ARHGAP19: variants seen among roughly 807,000 people sequenced by gnomAD.
ARHGAP19 encodes Rho GTPase activating protein 19, also known as rho GTPase-activating protein 19.
ARHGAP19 carries 48 observed loss-of-function variants against 60.9 expected under a neutral mutation model. The ratio of observed to expected loss-of-function variants is 0.79; its 90% CI spans 0.62 to 1.00. ARHGAP19 has a LOEUF of 1.00. Ranked by LOEUF, ARHGAP19 falls within the 50% of genes least tolerant of loss-of-function variation. The probability of loss-of-function intolerance (pLI) is 0.00; values close to 1 mark genes in which losing one functional copy is unlikely to be tolerated. For synonymous variants in ARHGAP19, 209 were observed against 215.5 expected (o/e 0.97, Z 0.27); for missense variants, 562 against 597.2 (o/e 0.94, Z 0.61).
intron 1 of ARHGAP19, among the ~76,000 whole-genome samples, chr10:97,278,295 T>A (rs551536796): frequency 6.6e-6 from 1 of 152,330 alleles, no homozygotes; most frequent in South Asian, 2.1e-4. Context: ...AACAGGAAAA[T>A]TTTAAATATT....
Position 97,223,494 on chromosome 10 carries a change from T to C in ARHGAP19, c.*2628A>G, listed in dbSNP as rs1253886998. The C allele has an allele frequency of 2.6e-5, 4 of 152,210 alleles. No individual in the cohort carries two copies. Among genetic ancestry groups the C allele is most frequent in the Admixed American group, 6.5e-5 (1 of 15,278 alleles). The allele number at this position is 152,210 out of a possible 1,614,324, so 9.4% of individuals were successfully genotyped here. A position where few individuals can be genotyped will look rare whatever the true frequency, so the allele number is the denominator to read the frequency against. On this transcript the variant is annotated 3_prime_UTR_variant, in exon 12 of 12. Coordinates refer to ENST00000358531, the MANE Select transcript of ARHGAP19 (RefSeq NM_032900.6). ...ACCAGGAAGGTGGCCTGCAGTTTAA[T>C]ATGTGTATCCCTCTGGCACAAACAC...
intron 1 of ARHGAP19, among the ~76,000 whole-genome samples, chr10:97,266,510 T>C (rs947473082): frequency 2.6e-5 from 4 of 152,212 alleles, no homozygotes; most frequent in African/African-American, 9.6e-5. Context: ...TGGGCTATAC[T>C]CCTGGCAAAG....
chr10:97,238,229 G>A (rs112834113), intron 8 of ARHGAP19, among the ~76,000 whole-genome samples: 3,396 of 152,004 alleles, frequency 0.022, 126 homozygotes, highest in African/African-American at 0.075. Context: ...TTTTAGAGAC[G>A]GGGTCTCGCT....
chr10:97,272,667 A>C (rs1442741723), intron 1 of ARHGAP19, among the ~76,000 whole-genome samples: 2 of 151,808 alleles, frequency 1.3e-5, no homozygotes, highest in African/African-American at 4.8e-5. Flanking sequence ...AAACCTTCAA[A>C]CTTTATTGGT....
At chr10:97,242,286 A>C in intron 8 of ARHGAP19, among the ~76,000 whole-genome samples, 1 of 149,320 alleles carries the variant, frequency 6.7e-6, no homozygotes, top group Non-Finnish European at 1.5e-5. Flanking sequence ...AAAAAGTGCA[A>C]AACGTTTTTT....
intron 7 of ARHGAP19, 123 bp from the exon 8 acceptor site, chr10:97,244,282 C>T (rs569690808): frequency 3.0e-6 from 2 of 670,428 alleles, no homozygotes; most frequent in South Asian, 2.5e-5. Flanking sequence ...TACTCAGGAA[C>T]AAGAAAAATC....
At chr10:97,240,235 A>ACAT (rs1842457899) in intron 8 of ARHGAP19, among the ~76,000 whole-genome samples, 1 of 149,700 alleles carries the variant, frequency 6.7e-6, no homozygotes, top group Non-Finnish European at 1.5e-5. Context: ...TGCCACTTCT[A>ACAT]GAAAATAATC....
At chr10:97,232,283 C>T (rs1439216366) in intron 9 of ARHGAP19, among the ~76,000 whole-genome samples, 1 of 151,154 alleles carries the variant, frequency 6.6e-6, no homozygotes, top group Admixed American at 6.6e-5. Context: ...CCTGCCTCAG[C>T]CTCCTGAGTA....
chr10:97,266,792 T>C (rs1323533249), intron 1 of ARHGAP19, among the ~76,000 whole-genome samples: 4 of 151,992 alleles, frequency 2.6e-5, no homozygotes, highest in Non-Finnish European at 4.4e-5. Flanking sequence ...AACCATCAGA[T>C]CTCATGAGAC....
chr10:97,244,571 C>T (rs1842536002), intron 7 of ARHGAP19, among the ~76,000 whole-genome samples: 1 of 151,970 alleles, frequency 6.6e-6, no homozygotes, highest in Admixed American at 6.6e-5. Context: ...AGTGACAGAC[C>T]CACCTGGGAG....
At position 97,284,548 on chromosome 10, in the gene ARHGAP19, C is replaced by A. The variant is rs994454839; in HGVS notation, c.56+8024G>T. 3.9e-5 allele frequency among the ~76,000 whole-genome samples: 6 copies of A among 152,032 alleles called. No individual in the cohort carries two copies. The East Asian group carries it at 1.2e-3, about 29-fold the overall frequency. ...TTTGAGGCAAGGTCTTGTTCTATTGCCCATGCTAGAATGGTGGCATACTCA... is the reference window on the plus strand; with the variant it reads ...TTTGAGGCAAGGTCTTGTTCTATTGACCATGCTAGAATGGTGGCATACTCA... On this transcript the variant is annotated intron_variant, in intron 1 of 11. Transcript: ENST00000358531.
chr10:97,292,569 C>G lies in ARHGAP19; in HGVS notation c.56+3G>C, dbSNP rs759298626. 1.9e-6 allele frequency: 3 copies of G among 1,614,102 alleles called. No homozygotes were observed. Among genetic ancestry groups the G allele is most frequent in the South Asian group, 2.2e-5 (2 of 91,082 alleles). On this transcript the variant is annotated splice_donor_region_variant and intron_variant, in intron 1 of 11. Coordinates refer to ENST00000358531, the MANE Select transcript of ARHGAP19 (RefSeq NM_032900.6). ...CCAGGAAACTGGACCAAACTCAGCTCACCTCCGGCCGGATTCGCGGGCTGG... is the reference window on the plus strand; with the variant it reads ...CCAGGAAACTGGACCAAACTCAGCTGACCTCCGGCCGGATTCGCGGGCTGG...
At position 97,226,026 on chromosome 10, in the gene ARHGAP19, G is replaced by A; in HGVS notation, c.*96C>T. Reference sequence around the variant, plus strand: ...GCTTTGACAATTCAAAATGCAGCAAGCAAGCTGCAAGTCCAAGCTTTGCTG... The same window carrying A: ...GCTTTGACAATTCAAAATGCAGCAAACAAGCTGCAAGTCCAAGCTTTGCTG... On this transcript the variant is annotated 3_prime_UTR_variant, in exon 12 of 12. Coordinates refer to ENST00000358531, the MANE Select transcript of ARHGAP19 (RefSeq NM_032900.6). 1 of 1,368,218 alleles carries A rather than the reference G, an allele frequency of 7.3e-7. No individual in the cohort carries two copies. Among genetic ancestry groups the A allele is most frequent in the Non-Finnish European group, 1.0e-6 (1 of 973,162 alleles). 84.8% of individuals were successfully genotyped at this position (1,368,218 alleles called of 1,614,324 possible). A position where few individuals can be genotyped will look rare whatever the true frequency, so the allele number is the denominator to read the frequency against.
rs569971280 is a variant in ARHGAP19, at chr10:97,232,577, T to C, written c.1284+2640A>G. Reference sequence around the variant, plus strand: ...ATGATTTGCAAATATTTTCTCCCAATCCAGGGTTGCCTTTTCACTCTGTAG... The same window carrying C: ...ATGATTTGCAAATATTTTCTCCCAACCCAGGGTTGCCTTTTCACTCTGTAG... On this transcript the variant is annotated intron_variant, in intron 9 of 11. Transcript: ENST00000358531. Among the ~76,000 whole-genome samples, 13 of 152,268 alleles carry C rather than the reference T, an allele frequency of 8.5e-5. No individual in the cohort carries two copies. In the South Asian group the frequency reaches 1.0e-3, roughly 12 times the overall value.
At chr10:97,259,353 C>G (rs781565395) in intron 5 of ARHGAP19, 49 bp downstream of exon 5, 2 of 1,441,364 alleles carry the variant, frequency 1.4e-6, no homozygotes, top group Non-Finnish European at 9.8e-7. Flanking sequence ...TAGAATGAGG[C>G]CCAGCCCAAG....
At chr10:97,245,830 T>C (rs1381355360) in intron 7 of ARHGAP19, among the ~76,000 whole-genome samples, 2 of 152,140 alleles carry the variant, frequency 1.3e-5, no homozygotes, top group African/African-American at 4.8e-5. Context: ...AAGGACTTTA[T>C]GAAAAACCTT....
At chr10:97,291,574 G>GT (rs1245238498) in intron 1 of ARHGAP19, among the ~76,000 whole-genome samples, 1 of 152,102 alleles carries the variant, frequency 6.6e-6, no homozygotes, top group Non-Finnish European at 1.5e-5. Context: ...GATTACAGGC[G>GT]TAAGCCACCA....
chr10:97,238,463 C>T (rs764845075), intron 8 of ARHGAP19, among the ~76,000 whole-genome samples: 111 of 152,242 alleles, frequency 7.3e-4, no homozygotes, highest in Non-Finnish European at 1.5e-3. Flanking sequence ...AGCAGTCCTC[C>T]CACTTTGGCC....
intron 5 of ARHGAP19, among the ~76,000 whole-genome samples, chr10:97,257,187 C>T (rs1257447182): frequency 1.3e-5 from 2 of 151,828 alleles, no homozygotes; most frequent in Non-Finnish European, 2.9e-5. Context: ...TCCCTTGTTT[C>T]TCCTGTCTTT....
Sources: gnomAD v4.1 joint callset for allele counts (sites outside exome capture counted in the v4.1 genomes callset) on GRCh38, gnomAD v4.1.1 for gene constraint, MANE v1.5 for transcripts, NCBI Gene and HGNC (gene_info 2026-07-23, HGNC 2026-07-21) for gene names.